PTPRM: variants seen among roughly 807,000 people sequenced by gnomAD.
PTPRM encodes the protein receptor-type tyrosine-protein phosphatase mu.
Under a neutral mutation model 186.7 loss-of-function variants are expected in PTPRM, and 47 were observed. The ratio of observed to expected loss-of-function variants is 0.25; its 90% CI spans 0.20 to 0.32. The LOEUF is 0.32. Among genes scored for constraint, PTPRM ranks in the 10% least tolerant of loss-of-function variants. The probability of loss-of-function intolerance (pLI) is 1.00; values close to 1 mark genes in which losing one functional copy is unlikely to be tolerated. For synonymous variants in PTPRM, 668 were observed against 674.9 expected (o/e 0.99, Z 0.16); for missense variants, 1,494 against 1,865.0 (o/e 0.80, Z 3.66).
chr18:7,945,191 C>T lies in PTPRM; in HGVS notation c.664-3990C>T, dbSNP rs541090737. Among the ~76,000 whole-genome samples, 240 of 151,816 alleles carry T rather than the reference C, an allele frequency of 1.6e-3. 2 individuals are homozygous for T. The highest frequency in any genetic ancestry group is 0.015 in the South Asian group (70 of 4,804). On this transcript the variant is annotated intron_variant, in intron 5 of 32. Transcript: ENST00000580170. ...AGTCCCGGCCGGGCGTGGTGGCTCACGCCTGTAATCCCAGCACTTTGGGAG... is the reference window on the plus strand; with the variant it reads ...AGTCCCGGCCGGGCGTGGTGGCTCATGCCTGTAATCCCAGCACTTTGGGAG...
At chr18:8,249,204 C>G (rs1429080346) in intron 17 of PTPRM, among the ~76,000 whole-genome samples, 2 of 152,122 alleles carry the variant, frequency 1.3e-5, no homozygotes, top group African/African-American at 4.8e-5. Flanking sequence ...GATTTTTCCC[C>G]CCTCTGCTTC....
chr18:7,852,147 A>G (rs985589541), intron 2 of PTPRM, among the ~76,000 whole-genome samples: 1 of 152,214 alleles, frequency 6.6e-6, no homozygotes. Context: ...CTCAAACCCA[A>G]ATATATGAAT....
chr18:8,156,235 T>C (rs1007557465), intron 14 of PTPRM, among the ~76,000 whole-genome samples: 20 of 152,300 alleles, frequency 1.3e-4, no homozygotes, highest in African/African-American at 4.8e-4. Context: ...CTCAACCTAA[T>C]GGGAACTCTT....
At chr18:8,160,163 T>C (rs1358371142) in intron 14 of PTPRM, among the ~76,000 whole-genome samples, 1 of 152,212 alleles carries the variant, frequency 6.6e-6, no homozygotes, top group Non-Finnish European at 1.5e-5. Context: ...TGTATTCCAT[T>C]GCATTTTTAT....
intron 14 of PTPRM, among the ~76,000 whole-genome samples, chr18:8,218,334 C>A (rs144461907): frequency 6.6e-6 from 1 of 152,066 alleles, no homozygotes; most frequent in Non-Finnish European, 1.5e-5. Context: ...ACATAATGCA[C>A]TAAATGTCAG....
intron 1 of PTPRM, among the ~76,000 whole-genome samples, chr18:7,599,671 C>G (rs2037351504): frequency 6.6e-6 from 1 of 152,126 alleles, no homozygotes; most frequent in African/African-American, 2.4e-5. Context: ...CTACATTTTT[C>G]ATTCCAGAGG....
At chr18:7,833,607 G>T (rs1022471483) in intron 2 of PTPRM, among the ~76,000 whole-genome samples, 3 of 151,982 alleles carry the variant, frequency 2.0e-5, no homozygotes, top group Admixed American at 1.3e-4. Flanking sequence ...GGTGGCAGGT[G>T]CCTATAATCC....
At chr18:7,677,704 C>A (rs1312715312) in intron 1 of PTPRM, among the ~76,000 whole-genome samples, 1 of 152,090 alleles carries the variant, frequency 6.6e-6, no homozygotes, top group African/African-American at 2.4e-5. Context: ...TCACGCTCCC[C>A]CTCTGGAGCC....
intron 1 of PTPRM, among the ~76,000 whole-genome samples, chr18:7,727,369 G>T (rs547539186): frequency 1.3e-5 from 2 of 152,230 alleles, no homozygotes; most frequent in East Asian, 1.9e-4. Flanking sequence ...ACCTTGAAAG[G>T]CTGCTTTATT....
Position 8,240,778 on chromosome 18 carries a change from GA to G in PTPRM, c.2301-3279del, listed in dbSNP as rs1287703043. ...CGAGGGAGGGAGGGAGAGAGAGAGG[GA>G]GAGAGAGAGAGAGAGAGAGAGAGAG... On this transcript the variant is annotated intron_variant, in intron 14 of 32. Coordinates refer to ENST00000580170, the MANE Select transcript of PTPRM (RefSeq NM_001105244.2). Among the ~76,000 whole-genome samples, 18 of 18,510 alleles carry G rather than the reference GA, an allele frequency of 9.7e-4. No homozygotes were observed. The South Asian group carries it at 0.013, about 13-fold the overall frequency. 12.1% of individuals were successfully genotyped at this position (18,510 alleles called of 152,430 possible). A position where few individuals can be genotyped will look rare whatever the true frequency, so the allele number is the denominator to read the frequency against.
intron 3 of PTPRM, among the ~76,000 whole-genome samples, chr18:7,902,526 G>C (rs752782689): frequency 6.6e-6 from 1 of 152,130 alleles, no homozygotes; most frequent in Non-Finnish European, 1.5e-5. Context: ...ATGGTTCTGC[G>C]TCAGGAAAGG....
chr18:7,837,942 T>C (rs2046134413), intron 2 of PTPRM, among the ~76,000 whole-genome samples: 1 of 152,180 alleles, frequency 6.6e-6, no homozygotes, highest in African/African-American at 2.4e-5. Flanking sequence ...GGCAAGGTTT[T>C]CCAGATATTC....
chr18:8,216,707 A>G (rs918260832), intron 14 of PTPRM, among the ~76,000 whole-genome samples: 2 of 152,216 alleles, frequency 1.3e-5, no homozygotes, highest in African/African-American at 2.4e-5. Flanking sequence ...ATGGTAACAT[A>G]TTATTTCCAT....
chr18:7,936,430 C>G (rs2051814086), intron 5 of PTPRM, among the ~76,000 whole-genome samples: 1 of 152,234 alleles, frequency 6.6e-6, no homozygotes, highest in African/African-American at 2.4e-5. Context: ...AAAGTTGAGG[C>G]TAAACCCAGG....
At position 7,852,179 on chromosome 18, in the gene PTPRM, T is replaced by G. The variant is rs149673151; in HGVS notation, c.197-35927T>G. ...GAATTATAGTAAATATGCATAAAAT[T>G]ATTTCAAAGGCAAAGATTGTTAGAT... On this transcript the variant is annotated intron_variant, in intron 2 of 32. Coordinates refer to ENST00000580170, the MANE Select transcript of PTPRM (RefSeq NM_001105244.2). 3.3e-5 allele frequency among the ~76,000 whole-genome samples: 5 copies of G among 152,278 alleles called. No homozygotes were observed. The East Asian group carries it at 7.7e-4, about 24-fold the overall frequency.
At chr18:7,857,963 T>C (rs539100187) in intron 2 of PTPRM, among the ~76,000 whole-genome samples, 1 of 152,332 alleles carries the variant, frequency 6.6e-6, no homozygotes, top group South Asian at 2.1e-4. Context: ...TCTTAAGTGC[T>C]ATTAGAAGAG....
intron 1 of PTPRM, among the ~76,000 whole-genome samples, chr18:7,701,682 CA>C (rs1274779535): frequency 1.3e-5 from 2 of 151,894 alleles, no homozygotes; most frequent in Admixed American, 1.3e-4. Flanking sequence ...AGGTAAGTAT[CA>C]AAAAATGATG....
intron 14 of PTPRM, among the ~76,000 whole-genome samples, chr18:8,188,994 A>G (rs1023274658): frequency 1.1e-4 from 17 of 152,180 alleles, no homozygotes; most frequent in Non-Finnish European, 2.1e-4. Flanking sequence ...TTATTTTTGT[A>G]TGTTTTTCAT....
chr18:8,398,024 G>A (rs900456141), intron 32 of PTPRM, among the ~76,000 whole-genome samples: 2 of 152,210 alleles, frequency 1.3e-5, no homozygotes, highest in Non-Finnish European at 2.9e-5. Flanking sequence ...TTAATATGGA[G>A]TGCAGTGGCG....
Sources: allele counts gnomAD v4.1 joint callset (sites outside exome capture counted in the v4.1 genomes callset), GRCh38; gene constraint gnomAD v4.1.1; transcripts MANE v1.5; gene names NCBI Gene and HGNC (gene_info 2026-07-23, HGNC 2026-07-21).